Variants in ARL15 observed in about 807,000 individuals in gnomAD.
ARL15 encodes the protein ARF like GTPase 15.
In ARL15, 19 loss-of-function variants were observed where a neutral mutation model predicts 25.2. That is an observed-to-expected ratio of 0.75 (90% CI 0.53 to 1.10). The LOEUF is 1.10. Ranked by LOEUF, ARL15 falls within the 50% of genes least tolerant of loss-of-function variation. ARL15 has a pLI of 0.00. For missense variants in ARL15, 220 were observed against 246.0 expected, an observed-to-expected ratio of 0.89 and a Z score of 0.71; for synonymous variants, 94 against 86.8, an observed-to-expected ratio of 1.08 and a Z score of -0.46.
At position 54,201,600 on chromosome 5, in the gene ARL15, C is replaced by A. The variant is rs549183550; in HGVS notation, c.49-29672G>T. ...TTGGTTTAGCCAGAGTCCCCCTTACCCCTTATGCTTCTTCTTAGTAATTTT... is the reference window on the plus strand; with the variant it reads ...TTGGTTTAGCCAGAGTCCCCCTTACACCTTATGCTTCTTCTTAGTAATTTT... On this transcript the variant is annotated intron_variant, in intron 1 of 4. Transcript: ENST00000504924. 1.9e-4 allele frequency among the ~76,000 whole-genome samples: 29 copies of A among 152,142 alleles called. 1 individual carries two copies. In the South Asian group the frequency reaches 5.0e-3, roughly 26 times the overall value.
In ARL15 at chr5:53,886,222, CA is replaced by C; in HGVS notation, c.*338del. ...GTCTTGTGAGTCTTTCTGAGTCCTTCAAAAGGGATTTGATTTCCATAAGCCA... is the reference window on the plus strand; with the variant it reads ...GTCTTGTGAGTCTTTCTGAGTCCTTCAAAGGGATTTGATTTCCATAAGCCA... On this transcript the variant is annotated 3_prime_UTR_variant, in exon 5 of 5. Transcript: ENST00000504924. The C allele has an allele frequency of 5.9e-6, 1 of 169,694 alleles. No individual in the cohort carries two copies. The highest frequency in any genetic ancestry group is 1.6e-4 in the East Asian group (1 of 6,128). The allele number at this position is 169,694 out of a possible 1,614,324, so 10.5% of individuals were successfully genotyped here.
chr5:54,024,747 G>A (rs1238026427), intron 4 of ARL15, among the ~76,000 whole-genome samples: 1 of 151,754 alleles, frequency 6.6e-6, no homozygotes, highest in African/African-American at 2.4e-5. Context: ...TCAATAATCT[G>A]GATAAAGAAT....
intron 1 of ARL15, among the ~76,000 whole-genome samples, chr5:54,207,575 G>T (rs145308209): frequency 6.6e-6 from 1 of 152,232 alleles, no homozygotes; most frequent in Non-Finnish European, 1.5e-5. Flanking sequence ...GATTTTAAAA[G>T]ACATTTTTTT....
At chr5:54,252,934 A>C (rs1373786937) in intron 1 of ARL15, among the ~76,000 whole-genome samples, 1 of 152,040 alleles carries the variant, frequency 6.6e-6, no homozygotes, top group African/African-American at 2.4e-5. Context: ...CATGTTGCCC[A>C]GGCTGGTCAC....
intron 1 of ARL15, among the ~76,000 whole-genome samples, chr5:54,186,275 T>C (rs1755237454): frequency 6.6e-6 from 1 of 152,200 alleles, no homozygotes; most frequent in East Asian, 1.9e-4. Flanking sequence ...AGCAAAATGC[T>C]ATCTCGCCTC....
intron 4 of ARL15, among the ~76,000 whole-genome samples, chr5:53,980,214 C>T (rs1443598416): frequency 1.3e-5 from 2 of 152,204 alleles, no homozygotes; most frequent in African/African-American, 4.8e-5. Flanking sequence ...CTTCCATTTT[C>T]CCATTTCTTA....
chr5:53,954,206 A>G lies in ARL15; in HGVS notation c.463-67493T>C, dbSNP rs138871196. 5.3e-5 allele frequency among the ~76,000 whole-genome samples: 8 copies of G among 152,208 alleles called. No homozygotes were observed. The East Asian group carries it at 1.5e-3, about 29-fold the overall frequency. ...TCAGTCCTGGCATCCTTTAGTCTGGATAAAACATTTGAAGAAGCATGGTAT... is the reference window on the plus strand; with the variant it reads ...TCAGTCCTGGCATCCTTTAGTCTGGGTAAAACATTTGAAGAAGCATGGTAT... On this transcript the variant is annotated intron_variant, in intron 4 of 4. Coordinates refer to ENST00000504924, the MANE Select transcript of ARL15 (RefSeq NM_019087.3).
intron 2 of ARL15, among the ~76,000 whole-genome samples, chr5:54,161,642 A>T (rs1358365787): frequency 6.6e-6 from 1 of 152,140 alleles, no homozygotes; most frequent in Non-Finnish European, 1.5e-5. Context: ...TATCTGTTAG[A>T]TTCTAGATGT....
rs147184314 is a variant in ARL15, at chr5:54,169,006, T to G, written c.193+2778A>C. On this transcript the variant is annotated intron_variant, in intron 2 of 4. Coordinates refer to ENST00000504924, the MANE Select transcript of ARL15 (RefSeq NM_019087.3). ...GCCTCCAAAAAGACATTATGCCAGG[T>G]TCAGAACAATGACAACTCAAAGAAG... Among the ~76,000 whole-genome samples, 743 of 152,240 alleles carry G rather than the reference T, an allele frequency of 4.9e-3. 5 individuals carry two copies. The highest frequency in any genetic ancestry group is 0.017 in the African/African-American group (697 of 41,544).
chr5:54,183,209 G>T (rs1350252276), intron 1 of ARL15, among the ~76,000 whole-genome samples: 1 of 82,738 alleles, frequency 1.2e-5, no homozygotes, highest in Non-Finnish European at 2.5e-5. Flanking sequence ...GGTGAGAGAG[G>T]GTATCCCTGT....
intron 4 of ARL15, among the ~76,000 whole-genome samples, chr5:54,090,435 AAG>A (rs1412619710): frequency 7.9e-5 from 12 of 151,530 alleles, no homozygotes; most frequent in East Asian, 5.8e-4. Flanking sequence ...AGCAAAAAAA[AAG>A]AAACAGGCAA....
intron 1 of ARL15, among the ~76,000 whole-genome samples, chr5:54,221,811 T>G (rs965576081): frequency 6.9e-5 from 10 of 144,090 alleles, no homozygotes; most frequent in Non-Finnish European, 1.2e-4. Flanking sequence ...TTTAGGTTAT[T>G]TGGCAAGAAA....
At chr5:53,973,955 G>A (rs1747841616) in intron 4 of ARL15, among the ~76,000 whole-genome samples, 2 of 151,602 alleles carry the variant, frequency 1.3e-5, no homozygotes, top group Admixed American at 1.3e-4. Context: ...TTGACTTTGA[G>A]TAAGGCCCTG....
chr5:54,215,923 T>G (rs924161953), intron 1 of ARL15, among the ~76,000 whole-genome samples: 5 of 152,200 alleles, frequency 3.3e-5, no homozygotes, highest in Non-Finnish European at 5.9e-5. Context: ...ATTAAAAACC[T>G]TTCTCATTAA....
chr5:54,213,378 C>T (rs1481029833), intron 1 of ARL15, among the ~76,000 whole-genome samples: 2 of 152,158 alleles, frequency 1.3e-5, no homozygotes, highest in Admixed American at 1.3e-4. Context: ...CCCTCCACTG[C>T]CACAACCCCA....
chr5:53,911,961 A>G (rs1421830928), intron 4 of ARL15: 2 of 152,096 alleles, frequency 1.3e-5, no homozygotes, highest in East Asian at 3.9e-4. Context: ...CTTCCTTTCC[A>G]AGAATTCCTT....
At chr5:54,270,231 T>C (rs1757746686) in intron 1 of ARL15, among the ~76,000 whole-genome samples, 1 of 152,234 alleles carries the variant, frequency 6.6e-6, no homozygotes. Context: ...TATCTGGTAA[T>C]ATTAGAGTCA....
At chr5:54,244,708 G>T (rs1028495991) in intron 1 of ARL15, among the ~76,000 whole-genome samples, 1 of 151,860 alleles carries the variant, frequency 6.6e-6, no homozygotes, top group African/African-American at 2.4e-5. Context: ...GACACTATCT[G>T]CCTCTCTCCA....
intron 1 of ARL15, among the ~76,000 whole-genome samples, chr5:54,245,803 G>GT (rs956096590): frequency 4.1e-4 from 63 of 152,200 alleles, no homozygotes; most frequent in African/African-American, 1.4e-3. Context: ...GGCCAAGCTG[G>GT]TCTTGAACTC....
Sources: gnomAD v4.1 joint callset for allele counts (sites outside exome capture counted in the v4.1 genomes callset) on GRCh38, gnomAD v4.1.1 for gene constraint, MANE v1.5 for transcripts, NCBI Gene and HGNC (gene_info 2026-07-23, HGNC 2026-07-21) for gene names.